The following ICE1 variants were observed in gnomAD, a reference collection of about 807,000 sequenced individuals.
ICE1 encodes the protein little elongation complex subunit 1.
Under a neutral mutation model 192.7 loss-of-function variants are expected in ICE1, and 64 were observed. That is an observed-to-expected ratio of 0.33 (90% CI 0.27 to 0.41). The LOEUF (loss-of-function observed/expected upper bound fraction) is 0.41, where lower values mean the gene tolerates loss of function less well. Among genes scored for constraint, ICE1 ranks in the 10% least tolerant of loss-of-function variants. The pLI is 1.00. For synonymous variants in ICE1, 1,010 were observed against 984.5 expected (o/e 1.03, Z -0.49); for missense variants, 2,708 against 2,696.0 (o/e 1.00, Z -0.10).
intron 8 of ICE1, 94 bp from the exon 9 acceptor site, chr5:5,447,627 C>A: frequency 7.3e-7 from 1 of 1,378,908 alleles, no homozygotes; most frequent in African/African-American, 1.4e-5. Flanking sequence ...AAAACAGTCC[C>A]AGCTGCCTGT....
At chr5:5,451,339 A>G (rs933708602) in intron 10 of ICE1, among the ~76,000 whole-genome samples, 2 of 152,174 alleles carry the variant, frequency 1.3e-5, no homozygotes, top group African/African-American at 4.8e-5. Flanking sequence ...AATACGGAGA[A>G]TGAAGTGTTT....
intron 11 of ICE1, among the ~76,000 whole-genome samples, chr5:5,456,079 A>G (rs1204562060): frequency 1.3e-5 from 2 of 152,066 alleles, no homozygotes; most frequent in Non-Finnish European, 2.9e-5. Context: ...TTGAGGTTGT[A>G]TATTTGTGGC....
chr5:5,451,617 C>T (rs963808707), intron 10 of ICE1, among the ~76,000 whole-genome samples: 2 of 152,080 alleles, frequency 1.3e-5, no homozygotes, highest in African/African-American at 4.8e-5. Flanking sequence ...TCAAGGAAAA[C>T]ATGCTCAAAT....
At chr5:5,439,148 A>T (rs1246267308) in intron 3 of ICE1, among the ~76,000 whole-genome samples, 3 of 152,148 alleles carry the variant, frequency 2.0e-5, no homozygotes, top group Non-Finnish European at 4.4e-5. Context: ...AAATGGCAAG[A>T]AATGTATTTT....
intron 17 of ICE1, among the ~76,000 whole-genome samples, chr5:5,480,166 AG>A (rs1739456202): frequency 6.6e-6 from 1 of 152,164 alleles, no homozygotes; most frequent in South Asian, 2.1e-4. Context: ...ATATAAAACA[AG>A]CTTCATCCAA....
In ICE1 at chr5:5,457,669, T is replaced by C; in HGVS notation, c.1029T>C (p.Leu343=). The C allele has an allele frequency of 6.2e-7, 1 of 1,613,938 alleles. No individual in the cohort carries two copies. ...ACTTCTTCAAACTTCCCCCTCCTCT[T>C]CTGTCACCAGTGCCCTCGCCCCCTC... ...AIDFFKLPPP[L]LSPVPSPPPM... Residue 343 remains leucine, a synonymous_variant, in exon 12 of 19, where the codon CTT becomes CTC. Coordinates refer to ENST00000296564, the MANE Select transcript of ICE1 (RefSeq NM_015325.3).
intron 10 of ICE1, among the ~76,000 whole-genome samples, chr5:5,448,276 AAT>A (rs1738301912): frequency 6.6e-6 from 1 of 152,206 alleles, no homozygotes; most frequent in African/African-American, 2.4e-5. Context: ...AAAACTATAG[AAT>A]TAAAGCCTTA....
At chr5:5,445,122 G>A (rs1738172342) in intron 7 of ICE1, among the ~76,000 whole-genome samples, 1 of 152,158 alleles carries the variant, frequency 6.6e-6, no homozygotes, top group Admixed American at 6.5e-5. Flanking sequence ...CTTCAGAGAT[G>A]GTTTATGTTC....
chr5:5,450,612 G>A lies in ICE1; in HGVS notation c.604+2715G>A, dbSNP rs1256549737. On this transcript the variant is annotated intron_variant, in intron 10 of 18. Transcript: ENST00000296564. ...AGCGTGATTTTTGTGTACAGTCTCC[G>A]TCTCTGACACCTTCGTAGGAAATAT... Among the ~76,000 whole-genome samples, 5 of 152,246 alleles carry A rather than the reference G, an allele frequency of 3.3e-5. No homozygotes were observed. The East Asian group carries it at 7.7e-4, about 24-fold the overall frequency.
At chr5:5,466,292 G>A in intron 13 of ICE1, 42 bp from the exon 14 acceptor site, 1 of 1,519,022 alleles carries the variant, frequency 6.6e-7, no homozygotes, top group Non-Finnish European at 8.9e-7. Context: ...CTGAAGATAA[G>A]TATGAGTGTA....
intron 10 of ICE1, among the ~76,000 whole-genome samples, chr5:5,451,967 A>C (rs1042600694): frequency 6.6e-6 from 1 of 152,092 alleles, no homozygotes; most frequent in African/African-American, 2.4e-5. Flanking sequence ...GTACAGACAA[A>C]TTATGCTTGA....
chr5:5,458,805 G>C (rs923808424), intron 12 of ICE1, among the ~76,000 whole-genome samples: 2 of 152,172 alleles, frequency 1.3e-5, no homozygotes, highest in Admixed American at 6.5e-5. Context: ...AGTAGGGAGT[G>C]GGGGGATAGT....
intron 17 of ICE1, among the ~76,000 whole-genome samples, chr5:5,485,765 T>C (rs1561102611): frequency 6.6e-6 from 1 of 152,194 alleles, no homozygotes; most frequent in Non-Finnish European, 1.5e-5. Flanking sequence ...ACATTTAATA[T>C]CACCAATCTC....
In ICE1 at chr5:5,464,942, A is replaced by T; in HGVS notation, c.5608A>T (p.Asn1870Tyr). 1 of 1,613,600 alleles carries T rather than the reference A, an allele frequency of 6.2e-7. No individual in the cohort carries two copies. Among genetic ancestry groups the T allele is most frequent in the Non-Finnish European group, 8.5e-7 (1 of 1,179,730 alleles). Residue 1870 changes from asparagine to tyrosine, a missense_variant, in exon 13 of 19, where the codon AAC (asparagine) becomes TAC (tyrosine). Asn to Tyr is a moderately radical substitution (Grantham distance 143). This residue lies in a region of ICE1 where 2,366 missense variants were observed against 2,276.6 expected (regional missense o/e 1.04). Transcript: ENST00000296564. The surrounding 1 kb of genome is among the most constrained non-coding windows in gnomAD (Gnocchi z 4.0). ...AGTCACTGCAGAAGGAATCCACAAA[A>T]ACCTCCCAGGGAACCTCCCTCCAGC... ...RGVTAEGIHK[N>Y]LPGNLPPAEV...
At chr5:5,438,341 G>GACAC (rs1333878708) in intron 3 of ICE1, among the ~76,000 whole-genome samples, 1 of 152,214 alleles carries the variant, frequency 6.6e-6, no homozygotes, top group African/African-American at 2.4e-5. Flanking sequence ...TTTGGGTGGG[G>GACAC]ACACAGCCAG....
intron 1 of ICE1, among the ~76,000 whole-genome samples, chr5:5,427,335 A>G (rs1333233307): frequency 6.6e-6 from 1 of 152,278 alleles, no homozygotes; most frequent in East Asian, 1.9e-4. Context: ...CACTCTAGTC[A>G]TATTATGTAT....
chr5:5,464,462 G>T lies in ICE1; in HGVS notation c.5128G>T (p.Val1710Leu). 1 of 1,613,894 alleles carries T rather than the reference G, an allele frequency of 6.2e-7. No individual in the cohort carries two copies. The highest frequency in any genetic ancestry group is 8.5e-7 in the Non-Finnish European group (1 of 1,179,868). Residue 1710 changes from valine (V) to leucine (L), a missense_variant, in exon 13 of 19, where the codon GTG becomes TTG. Physicochemically the swap from Val to Leu is conservative, Grantham distance 32 (BLOSUM62 1). Around this residue, in one of 2 missense-constraint regions of ICE1, gnomAD observed 2,366 missense variants for 2,276.6 expected, o/e 1.04. Transcript: ENST00000296564. This position sits in a 1 kb window ranked among gnomAD's most constrained non-coding sequence, Gnocchi z 4.0. Reference sequence around the variant, plus strand: ...TGCAGCTTCAGCCAGTGAGAGGGTAGTGCCGTCTCCTCTGCAGTTCTGTGC... The same window carrying T: ...TGCAGCTTCAGCCAGTGAGAGGGTATTGCCGTCTCCTCTGCAGTTCTGTGC... ...PSAASASERV[V>L]PSPLQFCAAT...
chr5:5,463,498 C>T lies in ICE1; in HGVS notation c.4164C>T (p.Cys1388=), dbSNP rs113668899. 150 of 1,613,098 alleles carry T rather than the reference C, an allele frequency of 9.3e-5. No homozygotes were observed. In the African/African-American group the frequency reaches 1.2e-3, roughly 13 times the overall value. ...MEPSIEQSSN[C]EAETTFQCQI... is the part of the protein sequence containing the mutation. ...CATCCATAGAGCAAAGTTCTAACTG[C>T]GAGGCCGAAACAACATTTCAGTGTC... Residue 1388 remains cysteine (C), a synonymous_variant, in exon 13 of 19, where the codon TGC becomes TGT. Coordinates refer to ENST00000296564, the MANE Select transcript of ICE1 (RefSeq NM_015325.3).
intron 15 of ICE1, among the ~76,000 whole-genome samples, chr5:5,471,872 C>A (rs1430238253): frequency 3.9e-5 from 6 of 152,210 alleles, no homozygotes; most frequent in Admixed American, 3.9e-4. Flanking sequence ...CCTCCTCCAA[C>A]TTTTTCTGGT....
Sources: allele counts gnomAD v4.1 joint callset (sites outside exome capture counted in the v4.1 genomes callset), GRCh38; gene constraint gnomAD v4.1.1; regional missense constraint gnomAD v4.1.1; non-coding constraint Gnocchi (gnomAD v3.1); transcripts MANE v1.5; gene names NCBI Gene and HGNC (gene_info 2026-07-23, HGNC 2026-07-21).